TMEM221: variants seen among roughly 807,000 people sequenced by gnomAD.
TMEM221 encodes Putative transmembrane protein ENSP00000342162.
In TMEM221, 11 loss-of-function variants were observed where a neutral mutation model predicts 10.2. The ratio of observed to expected loss-of-function variants is 1.08; its 90% CI spans 0.68 to 1.79. The LOEUF (loss-of-function observed/expected upper bound fraction) is 1.79. TMEM221 is among the 40% of genes most tolerant of loss of function. TMEM221 has a pLI of 0.00. For synonymous variants in TMEM221, 172 were observed against 199.8 expected (o/e 0.86, Z 1.18); for missense variants, 382 against 417.7 (o/e 0.91, Z 0.75).
chr19:17,444,968 A>G (rs2074947319), intron 2 of TMEM221: 1 of 364,718 alleles, frequency 2.7e-6, no homozygotes, highest in East Asian at 4.4e-5. Context: ...TGAGGATTAA[A>G]TCTCAGAATC....
intron 1 of TMEM221, among the ~76,000 whole-genome samples, chr19:17,447,152 G>A (rs79881412): frequency 0.028 from 4,225 of 151,740 alleles, 214 homozygotes; most frequent in African/African-American, 0.096. Context: ...AACCCAAGAG[G>A]TGGAGGCTGC....
intron 2 of TMEM221, chr19:17,444,810 A>ATAT (rs373947699): frequency 6.2e-5 from 8 of 129,642 alleles, no homozygotes; most frequent in Non-Finnish European, 8.4e-5. Flanking sequence ...ATATATATAT[A>ATAT]GTTTTTTTTT....
In TMEM221 at chr19:17,436,751, G is replaced by A. The variant is rs1468143197; in HGVS notation, c.583C>T (p.Leu195Phe). The change falls in exon 3 of 3, where the codon CTC becomes TTC. Residue 195 changes from leucine (L) to phenylalanine (F), a missense_variant. By Grantham distance (22) the Leu-to-Phe change is conservative. Transcript: ENST00000341130. ...TTGGAGACTTCGGCAGGGCGGGCGA[G>A]GTCGTCTTCAAAGGATGGCGGGGAC... ...ELSPPSFEDDLARPAEVSKAS... is the reference protein window; with the variant it reads ...ELSPPSFEDDFARPAEVSKAS... 22 of 1,523,130 alleles carry A rather than the reference G, an allele frequency of 1.4e-5. No homozygotes were observed. The highest frequency in any genetic ancestry group is 4.9e-5 in the East Asian group (2 of 40,626). 94.4% of individuals were successfully genotyped at this position (1,523,130 alleles called of 1,614,324 possible). A position where few individuals can be genotyped will look rare whatever the true frequency, so the allele number is the denominator to read the frequency against.
Position 17,436,736 on chromosome 19 carries a change from C to T in TMEM221, c.598G>A (p.Glu200Lys), listed in dbSNP as rs1349757781. 14 of 1,526,396 alleles carry T rather than the reference C, an allele frequency of 9.2e-6. No individual in the cohort carries two copies. Among genetic ancestry groups the T allele is most frequent in the East Asian group, 4.9e-5 (2 of 40,668 alleles). The allele number at this position is 1,526,396 out of a possible 1,614,324, so 94.6% of individuals were successfully genotyped here. A position where few individuals can be genotyped will look rare whatever the true frequency, so the allele number is the denominator to read the frequency against. Residue 200 changes from glutamate to lysine, a missense_variant, in exon 3 of 3, where the codon GAA becomes AAA. By Grantham distance (56) the Glu-to-Lys change is moderately conservative. Coordinates refer to ENST00000341130, the MANE Select transcript of TMEM221 (RefSeq NM_001190844.2). ...GCTCTGGGGCTGGCCTTGGAGACTT[C>T]GGCAGGGCGGGCGAGGTCGTCTTCA... ...SFEDDLARPA[E>K]VSKASPRAQP...
At chr19:17,440,373 C>CCCG (rs933697847) in intron 2 of TMEM221, among the ~76,000 whole-genome samples, 2 of 151,948 alleles carry the variant, frequency 1.3e-5, no homozygotes, top group African/African-American at 4.8e-5. Context: ...ACTACAGCCG[C>CCCG]CCGCCACCAC....
chr19:17,447,808 CT>C (rs1478488584), intron 1 of TMEM221, among the ~76,000 whole-genome samples: 2 of 152,230 alleles, frequency 1.3e-5, no homozygotes. Flanking sequence ...CTCCCACCCA[CT>C]TCCAAGCCAG....
In TMEM221 at chr19:17,441,212, A is replaced by G. The variant is rs73018474; in HGVS notation, c.406+3987T>C. On this transcript the variant is annotated intron_variant, in intron 2 of 2. Coordinates refer to ENST00000341130, the MANE Select transcript of TMEM221 (RefSeq NM_001190844.2). The stretch of plus-strand genomic sequence containing the variant: ...AACAGAGCAAGACTCCATCTCAGAG[A>G]AAAAAAAAAAAAAAAAAGAAGGGAC... 8.2e-3 allele frequency among the ~76,000 whole-genome samples: 548 copies of G among 66,678 alleles called. 1 individual carries two copies. The highest frequency in any genetic ancestry group is 0.015 in the Middle Eastern group (2 of 134). The allele number at this position is 66,678 out of a possible 152,430, so 43.7% of individuals were successfully genotyped here.
Position 17,448,118 on chromosome 19 carries a change from G to A in TMEM221, c.320+25C>T, listed in dbSNP as rs2074959493. On this transcript the variant is annotated intron_variant, in intron 1 of 2. Coordinates refer to ENST00000341130, the MANE Select transcript of TMEM221 (RefSeq NM_001190844.2). The surrounding 1 kb of genome is among the most constrained non-coding windows in gnomAD (Gnocchi z 4.7). ...TCACCCAGCCCCCAGCCGGGCCTCC[G>A]AGGCGGTGAGGCCAGTCCTCCTACC... The A allele has an allele frequency of 2.3e-6, 3 of 1,330,970 alleles. No individual in the cohort carries two copies. Among genetic ancestry groups the A allele is most frequent in the Non-Finnish European group, 1.9e-6 (2 of 1,041,734 alleles). The allele number at this position is 1,330,970 out of a possible 1,614,324, so 82.4% of individuals were successfully genotyped here.
intron 2 of TMEM221, among the ~76,000 whole-genome samples, chr19:17,438,239 C>T (rs2074917675): frequency 6.6e-6 from 1 of 152,190 alleles, no homozygotes; most frequent in African/African-American, 2.4e-5. Flanking sequence ...TAGGCACCCA[C>T]CACCACGCCA....
At chr19:17,438,978 TG>T (rs536151390) in intron 2 of TMEM221, among the ~76,000 whole-genome samples, 1 of 151,220 alleles carries the variant, frequency 6.6e-6, no homozygotes, top group South Asian at 2.1e-4. Flanking sequence ...GAGGCCGACG[TG>T]GGCGGATCAC....
chr19:17,444,265 T>A (rs1301807674), intron 2 of TMEM221, among the ~76,000 whole-genome samples: 1 of 151,490 alleles, frequency 6.6e-6, no homozygotes, highest in Non-Finnish European at 1.5e-5. Context: ...GTATTTTTAG[T>A]AGAGATGGGG....
intron 2 of TMEM221, among the ~76,000 whole-genome samples, chr19:17,439,056 A>G (rs2074921193): frequency 6.6e-6 from 1 of 151,828 alleles, no homozygotes; most frequent in Non-Finnish European, 1.5e-5. Flanking sequence ...AAATACAAAA[A>G]ATTAGCCGAT....
At chr19:17,443,290 T>A (rs988699410) in intron 2 of TMEM221, among the ~76,000 whole-genome samples, 1 of 148,960 alleles carries the variant, frequency 6.7e-6, no homozygotes, top group Non-Finnish European at 1.5e-5. Flanking sequence ...CAAAAAAAAT[T>A]TTTTTAATAT....
chr19:17,443,076 C>T (rs947240387), intron 2 of TMEM221, among the ~76,000 whole-genome samples: 10 of 151,576 alleles, frequency 6.6e-5, no homozygotes, highest in Admixed American at 2.6e-4. Context: ...GTCAGGAGAT[C>T]GTAGACCATC....
At position 17,439,461 on chromosome 19, in the gene TMEM221, G is replaced by T. The variant is rs144519730; in HGVS notation, c.407-2534C>A. Among the ~76,000 whole-genome samples the T allele has an allele frequency of 2.6e-3, 396 of 152,206 alleles. 14 individuals carry two copies. The East Asian group carries it at 0.066, about 25-fold the overall frequency. On this transcript the variant is annotated intron_variant, in intron 2 of 2. Transcript: ENST00000341130. ...CCAGCACTTTGGGAGGCCGAGGTGGGTGGATCACCTGAAGTCAGGTGTTGG... is the reference window on the plus strand; with the variant it reads ...CCAGCACTTTGGGAGGCCGAGGTGGTTGGATCACCTGAAGTCAGGTGTTGG...
chr19:17,437,048 A>C (rs1326283055), intron 2 of TMEM221, 121 bp from the exon 3 acceptor site: 4 of 661,806 alleles, frequency 6.0e-6, no homozygotes, highest in Non-Finnish European at 6.9e-6. Flanking sequence ...GGCACATAGA[A>C]TAGGCATTTA....
chr19:17,438,330 C>T (rs1051230968), intron 2 of TMEM221, among the ~76,000 whole-genome samples: 21 of 152,136 alleles, frequency 1.4e-4, no homozygotes, highest in Admixed American at 2.6e-4. Flanking sequence ...TCAGGTGATC[C>T]GCCCACCTTG....
chr19:17,437,992 CACT>C (rs757588880), intron 2 of TMEM221, among the ~76,000 whole-genome samples: 1 of 151,046 alleles, frequency 6.6e-6, no homozygotes, highest in Non-Finnish European at 1.5e-5. Flanking sequence ...GGCTACAGCT[CACT>C]GCTGCCTCAA....
At chr19:17,444,071 C>CTTTTTTT (rs67270566) in intron 2 of TMEM221, among the ~76,000 whole-genome samples, 1 of 56,294 alleles carries the variant, frequency 1.8e-5, no homozygotes, top group African/African-American at 7.4e-5. Flanking sequence ...AAAATGCTAT[C>CTTTTTTT]TTTTTTTTTT....
Sources: allele counts gnomAD v4.1 joint callset (sites outside exome capture counted in the v4.1 genomes callset), GRCh38; gene constraint gnomAD v4.1.1; non-coding constraint Gnocchi (gnomAD v3.1); transcripts MANE v1.5; gene names NCBI Gene and HGNC (gene_info 2026-07-23, HGNC 2026-07-21).